The following ZYG11A variants were observed in gnomAD, a reference collection of about 807,000 sequenced individuals.
The protein encoded by ZYG11A is zyg-11 family member A, cell cycle regulator.
Under a neutral mutation model 77.2 loss-of-function variants are expected in ZYG11A, and 62 were observed. The observed-to-expected ratio is 0.80, with a 90% CI of 0.65 to 0.99. The LOEUF is 0.99. ZYG11A is among the 50% of genes least tolerant of loss of function. The probability of loss-of-function intolerance (pLI) is 0.00; values close to 1 mark genes in which losing one functional copy is unlikely to be tolerated. For synonymous variants in ZYG11A, 315 were observed against 324.6 expected (o/e 0.97, Z 0.32); for missense variants, 828 against 896.8 (o/e 0.92, Z 0.98).
In ZYG11A at chr1:52,857,361, T is replaced by C. The variant is rs76765201; in HGVS notation, c.620T>C (p.Leu207Pro). 4,358 of 1,551,816 alleles carry C rather than the reference T, an allele frequency of 2.8e-3. 11 individuals are homozygous for C. The highest frequency in any genetic ancestry group is 3.6e-3 in the Non-Finnish European group (4,077 of 1,147,006). The change falls in exon 3 of 14, where the codon CTG (leucine) becomes CCG (proline). Residue 207 changes from leucine (L) to proline (P), a missense_variant. Physicochemically the swap from Leu to Pro is moderately conservative, Grantham distance 98. Coordinates refer to ENST00000371528, the MANE Select transcript of ZYG11A (RefSeq NM_001004339.3). Reference protein sequence around the residue: ...DLANVSQLPRLESLDISNTLV... With the variant: ...DLANVSQLPRPESLDISNTLV... The stretch of plus-strand genomic sequence containing the variant: ...GCTAATGTTTCTCAGTTACCAAGAC[T>C]GGAAAGCTTAGATATCTCTAATACT...
intron 10 of ZYG11A, among the ~76,000 whole-genome samples, chr1:52,880,256 G>C (rs1447199993): frequency 6.6e-6 from 1 of 151,884 alleles, no homozygotes; most frequent in African/African-American, 2.4e-5. Context: ...CAGGCGTGGG[G>C]GGGACATCTC....
chr1:52,857,878 T>A (rs1211344203), intron 3 of ZYG11A, 129 bp downstream of exon 3: 6 of 681,166 alleles, frequency 8.8e-6, no homozygotes, highest in Non-Finnish European at 9.2e-6. Flanking sequence ...AGAGCTTTTT[T>A]AATAATTAAT....
At chr1:52,890,006 C>CCCAGCCACAT (rs1557461313) in intron 13 of ZYG11A, among the ~76,000 whole-genome samples, 31 of 150,908 alleles carry the variant, frequency 2.1e-4, no homozygotes, top group African/African-American at 7.1e-4. Context: ...AGCCACGGCG[C>CCCAGCCACAT]CTGGCCTCAA....
Position 52,866,587 on chromosome 1 carries a change from A to C in ZYG11A, c.1391+20A>C, listed in dbSNP as rs1401695151. On this transcript the variant is annotated intron_variant, in intron 6 of 13. Transcript: ENST00000371528. Reference sequence around the variant, plus strand: ...TGACAGGCAAGTATAAGACTTGGTCATTTGACTGGGGTGTTGGCCTTTGGT... The same window carrying C: ...TGACAGGCAAGTATAAGACTTGGTCCTTTGACTGGGGTGTTGGCCTTTGGT... 1.4e-6 allele frequency: 2 copies of C among 1,478,744 alleles called. No homozygotes were observed. Among genetic ancestry groups the C allele is most frequent in the Non-Finnish European group, 1.8e-6 (2 of 1,082,052 alleles). The allele number at this position is 1,478,744 out of a possible 1,614,324, so 91.6% of individuals were successfully genotyped here.
At chr1:52,867,471 A>T (rs1192537030) in intron 6 of ZYG11A, 68 bp from the exon 7 acceptor site, 1 of 1,053,096 alleles carries the variant, frequency 9.5e-7, no homozygotes, top group Non-Finnish European at 1.4e-6. Context: ...GGAATGCCAA[A>T]TGATTTCTTC....
Position 52,857,137 on chromosome 1 carries a change from T to TA in ZYG11A, c.397dup (p.Thr133AsnfsTer6). The stretch of plus-strand genomic sequence containing the variant: ...GTCATAAGCTCATTGAACTGAATGC[T>TA]ACTGCAGTGCACGCTGACCTCCCAG... On this transcript the variant is annotated frameshift_variant, in exon 3 of 14. Coordinates refer to ENST00000371528, the MANE Select transcript of ZYG11A (RefSeq NM_001004339.3). LOFTEE classifies it high-confidence loss of function. 1 of 1,551,944 alleles carries TA rather than the reference T, an allele frequency of 6.4e-7. No individual in the cohort carries two copies. Among genetic ancestry groups the TA allele is most frequent in the Non-Finnish European group, 8.7e-7 (1 of 1,147,052 alleles).
In ZYG11A at chr1:52,893,190, C is replaced by T. The variant is rs1253037879; in HGVS notation, c.*233C>T. On this transcript the variant is annotated 3_prime_UTR_variant, in exon 14 of 14. Coordinates refer to ENST00000371528, the MANE Select transcript of ZYG11A (RefSeq NM_001004339.3). The stretch of plus-strand genomic sequence containing the variant: ...CAATTTTGAAGACTCAAACCGTGGA[C>T]TCTGGGAAGGCCTGGGAGCTTGTGT... 3 of 472,458 alleles carry T rather than the reference C, an allele frequency of 6.3e-6. No individual in the cohort carries two copies. Among genetic ancestry groups the T allele is most frequent in the Non-Finnish European group, 1.1e-5 (3 of 263,832 alleles). 29.3% of individuals were successfully genotyped at this position (472,458 alleles called of 1,614,324 possible). A position where few individuals can be genotyped will look rare whatever the true frequency, so the allele number is the denominator to read the frequency against.
At chr1:52,853,632 C>T (rs1363881114) in intron 1 of ZYG11A, among the ~76,000 whole-genome samples, 2 of 152,060 alleles carry the variant, frequency 1.3e-5, no homozygotes, top group East Asian at 1.9e-4. Context: ...ATATTGGGGC[C>T]GGGTGTGGTG....
chr1:52,861,166 G>A (rs1645919825), intron 4 of ZYG11A, among the ~76,000 whole-genome samples: 1 of 152,134 alleles, frequency 6.6e-6, no homozygotes, highest in African/African-American at 2.4e-5. Context: ...AAATAATTAA[G>A]GGTGGCCAAA....
chr1:52,870,241 G>A (rs1176803008), intron 8 of ZYG11A, among the ~76,000 whole-genome samples: 5 of 143,708 alleles, frequency 3.5e-5, no homozygotes, highest in African/African-American at 5.0e-5. Context: ...GCCGGGCAGA[G>A]ACGCTCCTCA....
intron 3 of ZYG11A, among the ~76,000 whole-genome samples, chr1:52,858,907 G>C (rs1425225080): frequency 6.6e-6 from 1 of 152,132 alleles, no homozygotes; most frequent in Non-Finnish European, 1.5e-5. Flanking sequence ...GAGCCACCAT[G>C]CTTGGCCCAG....
Position 52,877,668 on chromosome 1 carries a change from T to G in ZYG11A, c.1543-14T>G, listed in dbSNP as rs758466328. ...TAGAGCATCTAACTCCCTCCCTGTC[T>G]CTTTGGTTTTTAGGAACTTCTAGCA... On this transcript the variant is annotated splice_polypyrimidine_tract_variant and intron_variant, in intron 8 of 13. Coordinates refer to ENST00000371528, the MANE Select transcript of ZYG11A (RefSeq NM_001004339.3). 6.5e-6 allele frequency: 10 copies of G among 1,543,086 alleles called. No individual in the cohort carries two copies. The South Asian group carries it at 1.2e-4, about 19-fold the overall frequency.
rs1646362800 is a variant in ZYG11A, at chr1:52,881,584, A to G, written c.1863A>G (p.Ala621=). 1.3e-6 allele frequency: 2 copies of G among 1,552,322 alleles called. No homozygotes were observed. ...AAATGGAAGTCAGCTATTTTGCTGC[A>G]GGTATCATAGCCCACCTGACATCTG... ...SREMEVSYFA[A]GIIAHLTSDR... is the part of the protein sequence containing the mutation. Residue 621 remains alanine, a synonymous_variant, in exon 11 of 14, where the codon GCA becomes GCG. Coordinates refer to ENST00000371528, the MANE Select transcript of ZYG11A (RefSeq NM_001004339.3).
At chr1:52,864,727 C>T (rs1645992531) in intron 5 of ZYG11A, among the ~76,000 whole-genome samples, 1 of 151,928 alleles carries the variant, frequency 6.6e-6, no homozygotes, top group African/African-American at 2.4e-5. Flanking sequence ...TCACCGCAAC[C>T]TCCGCCTCCT....
chr1:52,846,825 A>T (rs1645595219), intron 1 of ZYG11A, among the ~76,000 whole-genome samples: 2 of 151,348 alleles, frequency 1.3e-5, no homozygotes, highest in Admixed American at 1.3e-4. Flanking sequence ...TGGGAGCCAC[A>T]TCTCTAGGCT....
At chr1:52,865,356 G>A (rs1489570764) in intron 5 of ZYG11A, among the ~76,000 whole-genome samples, 1 of 152,110 alleles carries the variant, frequency 6.6e-6, no homozygotes, top group African/African-American at 2.4e-5. Context: ...AACTCAACTT[G>A]TTAATACAGT....
chr1:52,856,074 A>G (rs1398323480), intron 2 of ZYG11A, among the ~76,000 whole-genome samples: 2 of 152,192 alleles, frequency 1.3e-5, no homozygotes, highest in Non-Finnish European at 2.9e-5. Flanking sequence ...TTACATTCCC[A>G]TCAGCAGTGT....
chr1:52,880,829 G>C (rs1571876062), intron 10 of ZYG11A, among the ~76,000 whole-genome samples: 1 of 152,132 alleles, frequency 6.6e-6, no homozygotes, highest in South Asian at 2.1e-4. Context: ...GGAGCCTCCA[G>C]GTGAAAATGC....
In ZYG11A at chr1:52,889,742, C is replaced by A. The variant is rs151209143; in HGVS notation, c.2104+2689C>A. Among the ~76,000 whole-genome samples, 233 of 145,704 alleles carry A rather than the reference C, an allele frequency of 1.6e-3. 9 individuals carry two copies. The East Asian group carries it at 0.044, about 28-fold the overall frequency. On this transcript the variant is annotated intron_variant, in intron 13 of 13. Coordinates refer to ENST00000371528, the MANE Select transcript of ZYG11A (RefSeq NM_001004339.3). ...TTTTTTTTTTTTTGAGATGGAGTCT[C>A]GCTCTGTCACCCAGGCTGGAGTGCA...
Sources: allele counts gnomAD v4.1 joint callset (sites outside exome capture counted in the v4.1 genomes callset), GRCh38; gene constraint gnomAD v4.1.1; transcripts MANE v1.5; gene names NCBI Gene and HGNC (gene_info 2026-07-23, HGNC 2026-07-21).